Variants in TMEM108 observed in about 807,000 individuals in gnomAD.
The protein encoded by TMEM108 is transmembrane protein 108.
TMEM108 carries 12 observed loss-of-function variants against 35.1 expected under a neutral mutation model. The ratio of observed to expected loss-of-function variants is 0.34; its 90% CI spans 0.22 to 0.55. The LOEUF (loss-of-function observed/expected upper bound fraction) is 0.55. Ranked by LOEUF, TMEM108 falls within the 20% of genes least tolerant of loss-of-function variation. TMEM108 has a pLI of 0.89. For synonymous variants in TMEM108, 287 were observed against 308.6 expected (o/e 0.93, Z 0.73); for missense variants, 680 against 753.3 (o/e 0.90, Z 1.14).
chr3:133,304,244 A>G (rs2107705676), intron 3 of TMEM108, among the ~76,000 whole-genome samples: 1 of 152,292 alleles, frequency 6.6e-6, no homozygotes, highest in Non-Finnish European at 1.5e-5. Context: ...TGGTTTATGG[A>G]CATTCTGATT....
At chr3:133,068,930 A>G (rs1456707693) in intron 2 of TMEM108, among the ~76,000 whole-genome samples, 1 of 152,154 alleles carries the variant, frequency 6.6e-6, no homozygotes, top group African/African-American at 2.4e-5. Flanking sequence ...GAGGCTCAAT[A>G]TAGACAGGGA....
intron 2 of TMEM108, among the ~76,000 whole-genome samples, chr3:133,148,126 A>T (rs1201916777): frequency 6.6e-6 from 1 of 152,214 alleles, no homozygotes; most frequent in African/African-American, 2.4e-5. Flanking sequence ...AGCAATGAAC[A>T]TTCCTAGTAC....
At chr3:133,253,925 C>T (rs992812049) in intron 3 of TMEM108, among the ~76,000 whole-genome samples, 4 of 152,080 alleles carry the variant, frequency 2.6e-5, no homozygotes, top group African/African-American at 7.2e-5. Context: ...CCAACAAATT[C>T]GGGAGGTAAC....
chr3:133,213,222 C>T (rs189407760), intron 2 of TMEM108, among the ~76,000 whole-genome samples: 1 of 152,238 alleles, frequency 6.6e-6, no homozygotes, highest in Admixed American at 6.5e-5. Context: ...CCATTATTAG[C>T]CCAGGAGAAA....
chr3:133,051,568 T>A (rs968368876), intron 2 of TMEM108, among the ~76,000 whole-genome samples: 1 of 152,172 alleles, frequency 6.6e-6, no homozygotes, highest in Non-Finnish European at 1.5e-5. Flanking sequence ...TTTTGTGTTG[T>A]ATCTAAAAAG....
chr3:133,052,517 C>T (rs999899613), intron 2 of TMEM108, among the ~76,000 whole-genome samples: 2 of 148,668 alleles, frequency 1.3e-5, no homozygotes, highest in African/African-American at 2.5e-5. Flanking sequence ...TATTGCATTA[C>T]CCAGGACTTC....
At chr3:133,304,368 C>T (rs1015836859) in intron 3 of TMEM108, among the ~76,000 whole-genome samples, 1 of 152,066 alleles carries the variant, frequency 6.6e-6, no homozygotes, top group Non-Finnish European at 1.5e-5. Flanking sequence ...TATTGCATAT[C>T]GTCAAATTTA....
At chr3:133,103,855 A>C (rs1038590506) in intron 2 of TMEM108, among the ~76,000 whole-genome samples, 5 of 152,220 alleles carry the variant, frequency 3.3e-5, no homozygotes, top group African/African-American at 1.2e-4. Flanking sequence ...TTTCTCATCT[A>C]TAAAATGGAG....
At chr3:133,183,090 G>A (rs146922385) in intron 2 of TMEM108, among the ~76,000 whole-genome samples, 1 of 152,204 alleles carries the variant, frequency 6.6e-6, no homozygotes, top group East Asian at 1.9e-4. Context: ...ATGCTCTAAG[G>A]AGCATTTCCT....
At chr3:133,066,226 TC>T (rs1423755765) in intron 2 of TMEM108, among the ~76,000 whole-genome samples, 2 of 152,128 alleles carry the variant, frequency 1.3e-5, no homozygotes, top group Middle Eastern at 3.2e-3. Flanking sequence ...CCAAGTTCAT[TC>T]CCATTGCCAT....
intron 3 of TMEM108, among the ~76,000 whole-genome samples, chr3:133,320,426 GA>G (rs2071252574): frequency 6.6e-6 from 1 of 151,640 alleles, no homozygotes; most frequent in Non-Finnish European, 1.5e-5. Context: ...ACAAGTAGAA[GA>G]AAGAACTTCA....
In TMEM108 at chr3:133,379,900, G is replaced by A; in HGVS notation, c.189G>A (p.Val63=). 1.2e-6 allele frequency: 2 copies of A among 1,613,862 alleles called. No individual in the cohort carries two copies. Among genetic ancestry groups the A allele is most frequent in the East Asian group, 2.2e-5 (1 of 44,864 alleles). ...APHSSTRHTS[V]VMLTPNPDGP... ...ACAGCTCTACCAGACATACTTCTGTGGTGATGCTGACCCCCAATCCCGATG... is the reference window on the plus strand; with the variant it reads ...ACAGCTCTACCAGACATACTTCTGTAGTGATGCTGACCCCCAATCCCGATG... The change falls in exon 4 of 6, where the codon GTG becomes GTA. Residue 63 remains valine, a synonymous_variant. Transcript: ENST00000321871.
At chr3:133,168,731 C>G (rs753855188) in intron 2 of TMEM108, among the ~76,000 whole-genome samples, 1 of 152,176 alleles carries the variant, frequency 6.6e-6, no homozygotes, top group South Asian at 2.1e-4. Context: ...TCCCCTTTCA[C>G]ACTGTGGAAG....
Position 133,390,220 on chromosome 3 carries a change from G to C in TMEM108, c.1491G>C (p.Lys497Asn), listed in dbSNP as rs1232009502. The change falls in exon 5 of 6, where the codon AAG (lysine) becomes AAC (asparagine). Residue 497 changes from lysine to asparagine, a missense_variant. By Grantham distance (94) the Lys-to-Asn change is moderately conservative. This residue lies in a region of TMEM108 where 105 missense variants were observed against 150.7 expected (regional missense o/e 0.70). Coordinates refer to ENST00000321871, the MANE Select transcript of TMEM108 (RefSeq NM_023943.4). ...LTVCCMKRKKKTANPENNLSY... is the reference protein window; with the variant it reads ...LTVCCMKRKKNTANPENNLSY... ...TGTGCTGCATGAAGAGGAAGAAGAA[G>C]ACCGCCAACCCGGAGAACAACCTGA... 6.2e-7 allele frequency: 1 copy of C among 1,614,022 alleles called. No homozygotes were observed. Among genetic ancestry groups the C allele is most frequent in the African/African-American group, 1.3e-5 (1 of 74,912 alleles).
chr3:133,041,474 A>G (rs556872748), intron 1 of TMEM108, among the ~76,000 whole-genome samples: 2 of 152,372 alleles, frequency 1.3e-5, no homozygotes, highest in African/African-American at 4.8e-5. Flanking sequence ...GCAAACCAGC[A>G]GTGTGTAGCC....
At chr3:133,312,719 C>A (rs1022904405) in intron 3 of TMEM108, among the ~76,000 whole-genome samples, 1 of 152,240 alleles carries the variant, frequency 6.6e-6, no homozygotes, top group Non-Finnish European at 1.5e-5. Flanking sequence ...TTTGGCTCGC[C>A]CTCTGTGGGC....
chr3:133,384,497 G>A (rs1238980014), intron 4 of TMEM108, among the ~76,000 whole-genome samples: 1 of 150,752 alleles, frequency 6.6e-6, no homozygotes, highest in Non-Finnish European at 1.5e-5. Flanking sequence ...ATGTGTCCCG[G>A]GGCTGAGAAA....
chr3:133,291,484 T>G (rs1193181204), intron 3 of TMEM108, among the ~76,000 whole-genome samples: 1 of 152,088 alleles, frequency 6.6e-6, no homozygotes, highest in Non-Finnish European at 1.5e-5. Flanking sequence ...CCCTGTGTTG[T>G]CCAGGCTGGT....
chr3:133,136,464 G>T (rs1944566136), intron 2 of TMEM108, among the ~76,000 whole-genome samples: 2 of 152,296 alleles, frequency 1.3e-5, no homozygotes, highest in African/African-American at 2.4e-5. Flanking sequence ...TTGCTTCCTG[G>T]CCTGTAAGCC....
Sources: allele counts gnomAD v4.1 joint callset (sites outside exome capture counted in the v4.1 genomes callset), GRCh38; gene constraint gnomAD v4.1.1; regional missense constraint gnomAD v4.1.1; transcripts MANE v1.5; gene names NCBI Gene and HGNC (gene_info 2026-07-23, HGNC 2026-07-21).